Variants in NFKB1 observed in about 807,000 individuals in gnomAD.
The protein encoded by NFKB1 is nuclear factor kappa B subunit 1.
NFKB1 carries 9 observed loss-of-function variants against 105.1 expected under a neutral mutation model. The ratio of observed to expected loss-of-function variants is 0.09; its 90% CI spans 0.05 to 0.15. The LOEUF (loss-of-function observed/expected upper bound fraction) is 0.15, where lower values mean the gene tolerates loss of function less well. NFKB1 is among the 10% of genes least tolerant of loss of function. NFKB1 has a pLI of 1.00. For missense variants in NFKB1, 830 were observed against 1,203.7 expected, an observed-to-expected ratio of 0.69 and a Z score of 4.59; for synonymous variants, 440 against 442.2, an observed-to-expected ratio of 1.00 and a Z score of 0.06.
chr4:102,605,509 T>C (rs1727634215), intron 16 of NFKB1, among the ~76,000 whole-genome samples: 1 of 152,210 alleles, frequency 6.6e-6, no homozygotes, highest in Admixed American at 6.5e-5. Flanking sequence ...TGAAATAAAC[T>C]GATTTGTATA....
chr4:102,552,586 T>C (rs191382511), intron 5 of NFKB1, among the ~76,000 whole-genome samples: 132 of 152,304 alleles, frequency 8.7e-4, no homozygotes, highest in Non-Finnish European at 6.3e-4. Flanking sequence ...TTGATAAATC[T>C]GTAACAAGGG....
intron 7 of NFKB1, chr4:102,577,576 A>T (rs966428898): frequency 6.6e-6 from 1 of 152,648 alleles, no homozygotes; most frequent in African/African-American, 2.4e-5. Flanking sequence ...TTTTTTTTCA[A>T]CCCCATTCCC....
chr4:102,570,844 T>C (rs893120650), intron 6 of NFKB1, among the ~76,000 whole-genome samples: 1 of 152,048 alleles, frequency 6.6e-6, no homozygotes, highest in South Asian at 2.1e-4. Flanking sequence ...GGACACAAAC[T>C]AATGGAAGAA....
intron 5 of NFKB1, among the ~76,000 whole-genome samples, chr4:102,543,436 G>C (rs1721875745): frequency 6.6e-6 from 1 of 152,092 alleles, no homozygotes; most frequent in Admixed American, 6.6e-5. Flanking sequence ...TCAAATGCAA[G>C]GGACTTGAAA....
intron 6 of NFKB1, among the ~76,000 whole-genome samples, chr4:102,567,807 CATATTT>C: frequency 6.6e-6 from 1 of 152,260 alleles, no homozygotes; most frequent in African/African-American, 2.4e-5. Flanking sequence ...TTAAATAAGA[CATATTT>C]ATTGTGCTAA....
chr4:102,516,230 C>G (rs1740172747), intron 1 of NFKB1, among the ~76,000 whole-genome samples: 1 of 151,774 alleles, frequency 6.6e-6, no homozygotes, highest in Non-Finnish European at 1.5e-5. Flanking sequence ...TATGCCTAAC[C>G]ATGGTTTTAT....
chr4:102,614,039 A>G (rs1455143658), intron 23 of NFKB1, among the ~76,000 whole-genome samples: 1 of 152,130 alleles, frequency 6.6e-6, no homozygotes, highest in African/African-American at 2.4e-5. Context: ...CAGTAATCCT[A>G]TATTTCCTAC....
intron 1 of NFKB1, among the ~76,000 whole-genome samples, chr4:102,506,856 T>G (rs1739446581): frequency 6.6e-6 from 1 of 151,748 alleles, no homozygotes; most frequent in Non-Finnish European, 1.5e-5. Context: ...GTTTAAAAAT[T>G]AAGTTAAAAG....
At chr4:102,608,079 C>T (rs1727991529) in intron 19 of NFKB1, among the ~76,000 whole-genome samples, 1 of 152,120 alleles carries the variant, frequency 6.6e-6, no homozygotes, top group Admixed American at 6.6e-5. Context: ...TGGTATTAGT[C>T]TCAGATCATA....
At position 102,548,298 on chromosome 4, in the gene NFKB1, T is replaced by A. The variant is rs753470188; in HGVS notation, c.258+10342T>A. Among the ~76,000 whole-genome samples, 102 of 152,244 alleles carry A rather than the reference T, an allele frequency of 6.7e-4. 1 individual carries two copies. The highest frequency in any genetic ancestry group is 1.3e-3 in the Non-Finnish European group (87 of 68,008). On this transcript the variant is annotated intron_variant, in intron 5 of 23. Coordinates refer to ENST00000226574, the MANE Select transcript of NFKB1 (RefSeq NM_003998.4). ...ATGAAGAAGAAGTCACTGTGGCATA[T>A]CTGCACAGTCCATGCGAGGTGTGAG...
At chr4:102,591,092 G>A (rs563777394) in intron 11 of NFKB1, among the ~76,000 whole-genome samples, 11 of 152,286 alleles carry the variant, frequency 7.2e-5, no homozygotes, top group South Asian at 2.1e-4. Flanking sequence ...TCTCGATAAC[G>A]TAAAAGTGCA....
At chr4:102,515,889 C>A (rs1740143992) in intron 1 of NFKB1, among the ~76,000 whole-genome samples, 1 of 152,228 alleles carries the variant, frequency 6.6e-6, no homozygotes, top group Non-Finnish European at 1.5e-5. Flanking sequence ...CATTTCCCTT[C>A]AGCATGAAGA....
intron 2 of NFKB1, 68 bp from the exon 3 acceptor site, chr4:102,529,768 C>T: frequency 1.7e-6 from 2 of 1,181,580 alleles, no homozygotes; most frequent in South Asian, 1.4e-5. Context: ...TTAGGTGTCC[C>T]AACTTCAAAT....
chr4:102,554,786 G>A (rs184216555), intron 5 of NFKB1, among the ~76,000 whole-genome samples: 5 of 152,200 alleles, frequency 3.3e-5, no homozygotes, highest in South Asian at 2.1e-4. Flanking sequence ...TCTGAGTCTC[G>A]CTTCTGGTTT....
intron 5 of NFKB1, 71 bp downstream of exon 5, chr4:102,538,027 G>C: frequency 1.0e-6 from 1 of 956,954 alleles, no homozygotes; most frequent in Non-Finnish European, 1.7e-6. Context: ...CCAAGGAATT[G>C]CTTTAAATGA....
At position 102,538,000 on chromosome 4, in the gene NFKB1, T is replaced by C. The variant is rs751601105; in HGVS notation, c.258+44T>C. The C allele has an allele frequency of 3.2e-6, 4 of 1,243,988 alleles. No individual in the cohort carries two copies. The Admixed American group carries it at 5.1e-5, about 16-fold the overall frequency. The allele number at this position is 1,243,988 out of a possible 1,614,324, so 77.1% of individuals were successfully genotyped here. A position where few individuals can be genotyped will look rare whatever the true frequency, so the allele number is the denominator to read the frequency against. On this transcript the variant is annotated intron_variant, in intron 5 of 23. Coordinates refer to ENST00000226574, the MANE Select transcript of NFKB1 (RefSeq NM_003998.4). Reference sequence around the variant, plus strand: ...TCCTTCTATTTGAATTCTGGAAATTTTGATTTCCTACGATTTCCAAGGAAT... The same window carrying C: ...TCCTTCTATTTGAATTCTGGAAATTCTGATTTCCTACGATTTCCAAGGAAT...
chr4:102,518,255 A>C (rs2149105688), intron 1 of NFKB1, among the ~76,000 whole-genome samples: 1 of 152,344 alleles, frequency 6.6e-6, no homozygotes. Context: ...AACTTGTTTT[A>C]AAGGTATCAC....
At chr4:102,572,130 T>C (rs1198904386) in intron 6 of NFKB1, among the ~76,000 whole-genome samples, 1 of 152,146 alleles carries the variant, frequency 6.6e-6, no homozygotes, top group East Asian at 1.9e-4. Flanking sequence ...GTGGCATATA[T>C]ACATCATGGA....
chr4:102,594,967 C>A lies in NFKB1; in HGVS notation c.1286C>A (p.Ala429Asp). Reference protein sequence around the residue: ...TFHPGTTKSNAGMKHGTMDTE... With the variant: ...TFHPGTTKSNDGMKHGTMDTE... Reference sequence around the variant, plus strand: ...CATCCTGGAACTACTAAATCTAATGCTGGGATGAAGCATGGTAAGTAATGC... The same window carrying A: ...CATCCTGGAACTACTAAATCTAATGATGGGATGAAGCATGGTAAGTAATGC... Residue 429 changes from alanine to aspartate, a missense_variant, in exon 13 of 24, where the codon GCT becomes GAT. Coordinates refer to ENST00000226574, the MANE Select transcript of NFKB1 (RefSeq NM_003998.4). 1 of 1,606,342 alleles carries A rather than the reference C, an allele frequency of 6.2e-7. No homozygotes were observed. Among genetic ancestry groups the A allele is most frequent in the Non-Finnish European group, 8.5e-7 (1 of 1,174,310 alleles).
Sources: allele counts gnomAD v4.1 joint callset (sites outside exome capture counted in the v4.1 genomes callset), GRCh38; gene constraint gnomAD v4.1.1; transcripts MANE v1.5; gene names NCBI Gene and HGNC (gene_info 2026-07-23, HGNC 2026-07-21).